The following SLX4IP variants were observed in gnomAD, a reference collection of about 807,000 sequenced individuals.
SLX4IP encodes the protein protein SLX4IP.
In SLX4IP, 34 loss-of-function variants were observed where a neutral mutation model predicts 32.9. The observed-to-expected ratio is 1.03, with a 90% CI of 0.79 to 1.38. SLX4IP has a LOEUF of 1.38. Among genes scored for constraint, SLX4IP ranks in the 40% most tolerant of loss-of-function variants. The probability of loss-of-function intolerance (pLI) is 0.00; values close to 1 mark genes in which losing one functional copy is unlikely to be tolerated. For missense variants in SLX4IP, 444 were observed against 479.0 expected, an observed-to-expected ratio of 0.93 and a Z score of 0.68; for synonymous variants, 172 against 171.7, an observed-to-expected ratio of 1.00 and a Z score of -0.01.
Position 10,602,300 on chromosome 20 carries a change from CTCTCTCTG to C in SLX4IP, c.405+510_405+517del, listed in dbSNP as rs570847139. The stretch of plus-strand genomic sequence containing the variant: ...TCATTTTCTCCCTCTCTCTCTCTCT[CTCTCTCTG>C]TCTCTCTGTCTCTCTGTCTCTCTGT... On this transcript the variant is annotated intron_variant, in intron 6 of 7. Coordinates refer to ENST00000334534, the MANE Select transcript of SLX4IP (RefSeq NM_001009608.3). Among the ~76,000 whole-genome samples, 182 of 151,992 alleles carry C rather than the reference CTCTCTCTG, an allele frequency of 1.2e-3. 1 individual carries two copies. The highest frequency in any genetic ancestry group is 7.7e-3 in the South Asian group (37 of 4,814).
chr20:10,488,782 AT>A (rs1312534087), intron 2 of SLX4IP, among the ~76,000 whole-genome samples: 3 of 151,728 alleles, frequency 2.0e-5, no homozygotes, highest in African/African-American at 2.4e-5. Flanking sequence ...TCAGTTCCCA[AT>A]TTTTTTTCTT....
intron 1 of SLX4IP, among the ~76,000 whole-genome samples, chr20:10,456,049 A>G (rs1295587603): frequency 6.6e-6 from 1 of 152,192 alleles, no homozygotes; most frequent in Non-Finnish European, 1.5e-5. Flanking sequence ...ACTTCACATG[A>G]CAATCTGTAG....
chr20:10,584,054 AAT>A (rs1298373279), intron 4 of SLX4IP, among the ~76,000 whole-genome samples: 1 of 152,236 alleles, frequency 6.6e-6, no homozygotes. Flanking sequence ...ATATCAGCCC[AAT>A]ATACATCTTA....
At chr20:10,461,677 G>A (rs1158928023) in intron 2 of SLX4IP, among the ~76,000 whole-genome samples, 1 of 152,242 alleles carries the variant, frequency 6.6e-6, no homozygotes, top group Non-Finnish European at 1.5e-5. Flanking sequence ...TGTCAGACAT[G>A]CTTTCTTCCC....
At chr20:10,579,842 T>C (rs79543681) in intron 4 of SLX4IP, among the ~76,000 whole-genome samples, 1 of 152,202 alleles carries the variant, frequency 6.6e-6, no homozygotes, top group Non-Finnish European at 1.5e-5. Context: ...ATTTTTTTTT[T>C]CTTCCCAGCA....
intron 2 of SLX4IP, among the ~76,000 whole-genome samples, chr20:10,531,065 A>G (rs1486483191): frequency 6.6e-6 from 1 of 152,210 alleles, no homozygotes; most frequent in Non-Finnish European, 1.5e-5. Flanking sequence ...CCACTGAGCA[A>G]TGTGACATGA....
intron 2 of SLX4IP, among the ~76,000 whole-genome samples, chr20:10,536,365 A>T (rs1600975416): frequency 8.1e-6 from 1 of 123,880 alleles, no homozygotes; most frequent in Non-Finnish European, 1.7e-5. Context: ...TTGTCTCTTT[A>T]AAAAAAAAAA....
chr20:10,598,888 G>A, intron 5 of SLX4IP, 136 bp downstream of exon 5: 1 of 847,534 alleles, frequency 1.2e-6, no homozygotes, highest in Non-Finnish European at 1.9e-6. Context: ...CCGAAAGTTT[G>A]CGATTTCTTT....
intron 3 of SLX4IP, among the ~76,000 whole-genome samples, chr20:10,559,179 A>G (rs996182334): frequency 1.3e-5 from 2 of 152,032 alleles, no homozygotes; most frequent in Non-Finnish European, 2.9e-5. Context: ...TTGTGTGAAC[A>G]ATGCCGAAAC....
rs59907123 is a variant in SLX4IP at position 10,566,283 on chromosome 20, ATTTTTTTT to A, written c.238+5484_238+5491del. Among the ~76,000 whole-genome samples the A allele has an allele frequency of 9.3e-3, 911 of 97,834 alleles. 1 individual carries two copies. Among genetic ancestry groups the A allele is most frequent in the Non-Finnish European group, 0.012 (643 of 51,630 alleles). 64.2% of individuals were successfully genotyped at this position (97,834 alleles called of 152,430 possible). A position where few individuals can be genotyped will look rare whatever the true frequency, so the allele number is the denominator to read the frequency against. ...TGTTTCACCAGGTAGAACTGATTAC[ATTTTTTTT>A]TTTTTTTTTTTTTTTTTTTTGTCTA... On this transcript the variant is annotated intron_variant, in intron 4 of 7. Transcript: ENST00000334534.
At chr20:10,578,331 A>G (rs146898804) in intron 4 of SLX4IP, among the ~76,000 whole-genome samples, 168 of 152,340 alleles carry the variant, frequency 1.1e-3, no homozygotes, top group African/African-American at 3.8e-3. Context: ...AGAGTCATAC[A>G]CCATGTGGTT....
intron 2 of SLX4IP, among the ~76,000 whole-genome samples, chr20:10,522,097 A>G (rs2065905091): frequency 6.6e-6 from 1 of 152,124 alleles, no homozygotes; most frequent in Non-Finnish European, 1.5e-5. Flanking sequence ...CCCCTTCAAG[A>G]GATTTGAAGA....
chr20:10,613,880 A>G (rs1409253365), intron 6 of SLX4IP: 1 of 1,531,172 alleles, frequency 6.5e-7, no homozygotes, highest in African/African-American at 1.4e-5. Context: ...CAAAAGCTTG[A>G]ACGTCCTCTA....
rs556724545 is a variant in SLX4IP, at chr20:10,563,538, G to A, written c.238+2718G>A. Among the ~76,000 whole-genome samples, 5 of 152,104 alleles carry A rather than the reference G, an allele frequency of 3.3e-5. No individual in the cohort carries two copies. In the South Asian group the frequency reaches 1.0e-3, roughly 32 times the overall value. ...TCTTCTAGTAGTTTTTTAGTTTTTG[G>A]GTCTTAAATTCAAGTCTTTAATTCA... On this transcript the variant is annotated intron_variant, in intron 4 of 7. Coordinates refer to ENST00000334534, the MANE Select transcript of SLX4IP (RefSeq NM_001009608.3).
rs560382582 is a variant in SLX4IP at position 10,508,413 on chromosome 20, C to T, written c.28-47818C>T. ...CAAATGAGCTGCTCAACAGGGGTGA[C>T]CCTTCCAGATAACTGAGGCTTATTC... is the stretch of plus-strand genomic sequence containing the variant. On this transcript the variant is annotated intron_variant, in intron 2 of 7. Transcript: ENST00000334534. Among the ~76,000 whole-genome samples, 5 of 152,360 alleles carry T rather than the reference C, an allele frequency of 3.3e-5. No homozygotes were observed. In the South Asian group the frequency reaches 8.3e-4, roughly 25 times the overall value.
intron 2 of SLX4IP, among the ~76,000 whole-genome samples, chr20:10,500,086 TA>T (rs1273593157): frequency 6.6e-6 from 1 of 151,162 alleles, no homozygotes; most frequent in Non-Finnish European, 1.5e-5. Flanking sequence ...TGGGTTTAGA[TA>T]GATGGGGAAG....
chr20:10,501,283 G>C (rs540153499), intron 2 of SLX4IP, among the ~76,000 whole-genome samples: 1 of 151,966 alleles, frequency 6.6e-6, no homozygotes, highest in Admixed American at 6.6e-5. Context: ...AAAAATTTCC[G>C]CTATACTCCA....
intron 2 of SLX4IP, among the ~76,000 whole-genome samples, chr20:10,547,498 TAAAG>T (rs2066174120): frequency 6.6e-6 from 1 of 152,166 alleles, no homozygotes; most frequent in Non-Finnish European, 1.5e-5. Flanking sequence ...AACTCAAGCT[TAAAG>T]AACTAGTCAT....
intron 6 of SLX4IP, among the ~76,000 whole-genome samples, chr20:10,608,461 C>T (rs974414509): frequency 6.6e-5 from 10 of 151,576 alleles, no homozygotes; most frequent in Non-Finnish European, 8.8e-5. Context: ...GTCAGGAGAT[C>T]GAGACCATCC....
Sources: gnomAD v4.1 joint callset for allele counts (sites outside exome capture counted in the v4.1 genomes callset) on GRCh38, gnomAD v4.1.1 for gene constraint, MANE v1.5 for transcripts, NCBI Gene and HGNC (gene_info 2026-07-23, HGNC 2026-07-21) for gene names.